Variants in IQGAP2 observed in about 807,000 individuals in gnomAD.
IQGAP2 encodes ras GTPase-activating-like protein IQGAP2.
IQGAP2 carries 173 observed loss-of-function variants against 201.3 expected under a neutral mutation model. The ratio of observed to expected loss-of-function variants is 0.86; its 90% CI spans 0.76 to 0.98. The LOEUF (loss-of-function observed/expected upper bound fraction) is 0.98. Among genes scored for constraint, IQGAP2 ranks in the 50% least tolerant of loss-of-function variants. The probability of loss-of-function intolerance (pLI) is 0.00; values close to 1 mark genes in which losing one functional copy is unlikely to be tolerated. For synonymous variants in IQGAP2, 675 were observed against 673.9 expected (o/e 1.00, Z -0.03); for missense variants, 1,687 against 1,864.8 (o/e 0.90, Z 1.76).
At chr5:76,695,028 C>A (rs976909178) in intron 31 of IQGAP2, among the ~76,000 whole-genome samples, 1 of 152,156 alleles carries the variant, frequency 6.6e-6, no homozygotes, top group African/African-American at 2.4e-5. Context: ...TTAGGACTCT[C>A]CATAAACATG....
chr5:76,701,715 C>T (rs925150992), intron 34 of IQGAP2: 3 of 152,596 alleles, frequency 2.0e-5, no homozygotes, highest in African/African-American at 7.2e-5. Flanking sequence ...CCATCACTTT[C>T]TTGTCCTAAA....
chr5:76,504,957 A>G (rs1381002499), intron 2 of IQGAP2, among the ~76,000 whole-genome samples: 1 of 151,932 alleles, frequency 6.6e-6, no homozygotes, highest in Non-Finnish European at 1.5e-5. Flanking sequence ...GAGGCCTTAC[A>G]CCAGCCCCCA....
chr5:76,699,719 T>TTCTCTC (rs557554396), intron 33 of IQGAP2, among the ~76,000 whole-genome samples: 1,755 of 20,412 alleles, frequency 0.086, 491 homozygotes, highest in East Asian at 0.24. Flanking sequence ...TTCTCTCTGT[T>TTCTCTC]TCTCTCTCTC....
chr5:76,583,213 A>T (rs1745997170), intron 5 of IQGAP2, among the ~76,000 whole-genome samples: 1 of 152,136 alleles, frequency 6.6e-6, no homozygotes, highest in Admixed American at 6.5e-5. Context: ...TTTCCTATAT[A>T]CTTCAGGTAA....
chr5:76,594,532 A>T (rs1746880128), intron 9 of IQGAP2, among the ~76,000 whole-genome samples: 1 of 152,338 alleles, frequency 6.6e-6, no homozygotes, highest in Non-Finnish European at 1.5e-5. Flanking sequence ...TGATGGCTTT[A>T]AATGTGTAGA....
intron 2 of IQGAP2, among the ~76,000 whole-genome samples, chr5:76,496,755 T>TTCTTTTC (rs1756973133): frequency 1.2e-5 from 1 of 80,214 alleles, no homozygotes; most frequent in East Asian, 3.2e-4. Context: ...CTTTCTTTCT[T>TTCTTTTC]TCTTTCTTTC....
At chr5:76,547,238 G>T (rs1486589989) in intron 2 of IQGAP2, among the ~76,000 whole-genome samples, 1 of 152,194 alleles carries the variant, frequency 6.6e-6, no homozygotes, top group African/African-American at 2.4e-5. Context: ...TTGGACATAA[G>T]ATAACTGTAG....
chr5:76,647,956 T>C (rs1207032452), intron 17 of IQGAP2, among the ~76,000 whole-genome samples: 1 of 152,152 alleles, frequency 6.6e-6, no homozygotes, highest in Non-Finnish European at 1.5e-5. Context: ...TTATAGAATC[T>C]GGATCTTGTG....
Position 76,654,216 on chromosome 5 carries a change from G to A in IQGAP2, c.2195G>A (p.Arg732Gln), listed in dbSNP as rs112380748. The change falls in exon 19 of 36, where the codon CGA becomes CAA. Residue 732 changes from arginine to glutamine, a missense_variant. Physicochemically the swap from Arg to Gln is conservative, Grantham distance 43. Transcript: ENST00000274364. ...ACCTTTCAGATTCAGTCCTGGTTCC[G>A]AATGGCAACTGCAAGAAAGAGCTAT... ...DSIVKIQSWF[R>Q]MATARKSYLS... The A allele has an allele frequency of 2.5e-5, 40 of 1,608,874 alleles. No individual in the cohort carries two copies. The East Asian group carries it at 4.7e-4, about 19-fold the overall frequency.
chr5:76,597,673 T>G, intron 10 of IQGAP2, 71 bp downstream of exon 10: 1 of 1,506,900 alleles, frequency 6.6e-7, no homozygotes, highest in Non-Finnish European at 9.2e-7. Context: ...GAAGCCTAGT[T>G]AGGAAAGGGG....
intron 5 of IQGAP2, among the ~76,000 whole-genome samples, chr5:76,583,875 T>A (rs754405906): frequency 7.5e-4 from 62 of 83,098 alleles, no homozygotes; most frequent in Admixed American, 2.8e-3. Flanking sequence ...GTAGAGAAAA[T>A]TTTTTTTTTT....
At chr5:76,633,955 C>G (rs923434249) in intron 15 of IQGAP2, among the ~76,000 whole-genome samples, 20 of 152,220 alleles carry the variant, frequency 1.3e-4, no homozygotes, top group African/African-American at 4.6e-4. Context: ...GCGCCACCCC[C>G]TCCCCCCAAC....
intron 13 of IQGAP2, among the ~76,000 whole-genome samples, chr5:76,619,579 C>T (rs1011940610): frequency 3.4e-5 from 5 of 147,376 alleles, no homozygotes; most frequent in South Asian, 2.1e-4. Context: ...TGCAGTGGCA[C>T]GATCTCAGCT....
chr5:76,413,483 T>G (rs140265821), intron 1 of IQGAP2, among the ~76,000 whole-genome samples: 33 of 152,364 alleles, frequency 2.2e-4, no homozygotes, highest in African/African-American at 7.9e-4. Context: ...CCCTATTTTC[T>G]CTTCAGAATG....
chr5:76,611,522 A>G (rs1748413039), intron 13 of IQGAP2, among the ~76,000 whole-genome samples: 1 of 152,214 alleles, frequency 6.6e-6, no homozygotes, highest in South Asian at 2.1e-4. Context: ...ATACAGAGGG[A>G]CACATAATAC....
intron 5 of IQGAP2, 73 bp from the exon 6 acceptor site, chr5:76,588,833 A>G (rs1561487435): frequency 1.1e-6 from 1 of 877,070 alleles, no homozygotes; most frequent in Non-Finnish European, 1.7e-6. Flanking sequence ...AAAACTATTA[A>G]GAATTATGTA....
chr5:76,428,874 C>T (rs1224840082), intron 1 of IQGAP2, among the ~76,000 whole-genome samples: 1 of 151,668 alleles, frequency 6.6e-6, no homozygotes, highest in Non-Finnish European at 1.5e-5. Context: ...AGGCAGATCA[C>T]CTGAGGTCAG....
intron 1 of IQGAP2, among the ~76,000 whole-genome samples, chr5:76,428,722 C>T (rs1195211460): frequency 6.6e-6 from 1 of 151,170 alleles, no homozygotes. Flanking sequence ...ACTGAGTCAC[C>T]GTGACTACCC....
intron 2 of IQGAP2, chr5:76,547,524 A>C: frequency 6.3e-6 from 3 of 474,766 alleles, no homozygotes; most frequent in Non-Finnish European, 8.3e-6. Context: ...GACGTGTTAA[A>C]AGTGCAAGAA....
Sources: gnomAD v4.1 joint callset for allele counts (sites outside exome capture counted in the v4.1 genomes callset) on GRCh38, gnomAD v4.1.1 for gene constraint, MANE v1.5 for transcripts, NCBI Gene and HGNC (gene_info 2026-07-23, HGNC 2026-07-21) for gene names.